The following TKT variants were observed in gnomAD, a reference collection of about 807,000 sequenced individuals.
TKT encodes epididymis luminal protein 107.
A neutral mutation model predicts 63.9 loss-of-function variants in TKT; 47 were observed. The ratio of observed to expected loss-of-function variants is 0.74; its 90% CI spans 0.58 to 0.94. TKT has a LOEUF of 0.94. Ranked by LOEUF, TKT falls within the 40% of genes least tolerant of loss-of-function variation. The pLI is 0.00. For synonymous variants in TKT, 338 were observed against 334.1 expected, an observed-to-expected ratio of 1.01 and a Z score of -0.13; for missense variants, 721 against 846.2, an observed-to-expected ratio of 0.85 and a Z score of 1.84.
Position 53,225,690 on chromosome 3 carries a change from A to C in TKT, c.*66T>G, listed in dbSNP as rs149572525. 4.7e-6 allele frequency: 7 copies of C among 1,489,850 alleles called. No homozygotes were observed. In the East Asian group the frequency reaches 9.3e-5, roughly 20 times the overall value. The allele number at this position is 1,489,850 out of a possible 1,614,324, so 92.3% of individuals were successfully genotyped here. On this transcript the variant is annotated 3_prime_UTR_variant, in exon 14 of 14. Transcript: ENST00000462138. ...ATATATTTACCCCTCCTCTCAGTAC[A>C]TCTTTGAGCACCTTTCCCAGAATCT... is the stretch of plus-strand genomic sequence containing the variant.
At chr3:53,249,550 A>C (rs1553681380) in intron 1 of TKT, among the ~76,000 whole-genome samples, 1 of 152,040 alleles carries the variant, frequency 6.6e-6, no homozygotes. Flanking sequence ...GCCCCACTGC[A>C]CTCCAGCCTG....
rs782277532 is a variant in TKT at position 53,228,044 on chromosome 3, C to G, written c.1573+12G>C. On this transcript the variant is annotated intron_variant, in intron 12 of 13. Coordinates refer to ENST00000462138, the MANE Select transcript of TKT (RefSeq NM_001064.4). ...CGCTCAGTTGATGACTTTGGAGGCC[C>G]CTTCTCCTCACCTTTCTTCAGCAGT... 3.1e-5 allele frequency: 50 copies of G among 1,611,688 alleles called. No individual in the cohort carries two copies. The highest frequency in any genetic ancestry group is 4.2e-5 in the Non-Finnish European group (49 of 1,179,602).
intron 8 of TKT, among the ~76,000 whole-genome samples, chr3:53,229,849 TG>T (rs1269767614): frequency 6.6e-6 from 1 of 152,148 alleles, no homozygotes; most frequent in Non-Finnish European, 1.5e-5. Flanking sequence ...GGAAGAACTC[TG>T]GAGATCTGAG....
chr3:53,252,375 AAC>A (rs1218217145), intron 1 of TKT, among the ~76,000 whole-genome samples: 4 of 152,228 alleles, frequency 2.6e-5, no homozygotes, highest in Non-Finnish European at 5.9e-5. Context: ...TTTGGGTGCA[AAC>A]ACACACATAC....
At chr3:53,241,286 C>T (rs781853292) in intron 2 of TKT, 41 bp from the exon 3 acceptor site, 8 of 1,555,212 alleles carry the variant, frequency 5.1e-6, no homozygotes, top group Middle Eastern at 1.7e-4. Context: ...AGGTGGGGAG[C>T]GGTTCTACTT....
chr3:53,242,360 T>TTG (rs1320243655), intron 1 of TKT, 118 bp from the exon 2 acceptor site: 10 of 955,948 alleles, frequency 1.0e-5, no homozygotes, highest in Non-Finnish European at 1.6e-5. Context: ...AGGCCTGGCT[T>TTG]ATCAGACAGC....
At chr3:53,237,191 C>T (rs1705069288) in intron 4 of TKT, among the ~76,000 whole-genome samples, 2 of 151,836 alleles carry the variant, frequency 1.3e-5, no homozygotes. Flanking sequence ...TGAGACTGAC[C>T]ATCCTGGCCA....
At chr3:53,241,590 C>T (rs1261966250) in intron 2 of TKT, among the ~76,000 whole-genome samples, 1 of 152,252 alleles carries the variant, frequency 6.6e-6, no homozygotes, top group Admixed American at 6.5e-5. Context: ...CTAAAGCCTG[C>T]CCGAGAGACC....
chr3:53,244,636 T>C (rs1345804551), intron 1 of TKT, among the ~76,000 whole-genome samples: 1 of 152,104 alleles, frequency 6.6e-6, no homozygotes, highest in Non-Finnish European at 1.5e-5. Context: ...AAGCTCAACT[T>C]CCTAGCGGGC....
At chr3:53,255,662 C>T (rs535837274) in intron 1 of TKT, among the ~76,000 whole-genome samples, 174 bp downstream of exon 1, 2 of 152,088 alleles carry the variant, frequency 1.3e-5, no homozygotes, top group African/African-American at 4.8e-5. Flanking sequence ...GCAGCGGAAG[C>T]CGCCTGCAGC....
intron 1 of TKT, among the ~76,000 whole-genome samples, chr3:53,248,410 C>A (rs570354126): frequency 1.3e-3 from 196 of 152,304 alleles, no homozygotes; most frequent in African/African-American, 4.6e-3. Context: ...GAGGCCAAGG[C>A]AGGAAGAGGA....
At chr3:53,237,643 T>C (rs1397462375) in intron 4 of TKT, among the ~76,000 whole-genome samples, 7 of 151,274 alleles carry the variant, frequency 4.6e-5, no homozygotes, top group Non-Finnish European at 8.9e-5. Flanking sequence ...AAAACATTGG[T>C]TGGGTGCAGT....
At position 53,234,693 on chromosome 3, in the gene TKT, C is replaced by G. The variant is rs782410845; in HGVS notation, c.629+290G>C. 1.5e-4 allele frequency: 44 copies of G among 293,938 alleles called. 1 individual carries two copies. The Admixed American group carries it at 2.0e-3, about 13-fold the overall frequency. The allele number at this position is 293,938 out of a possible 1,614,324, so 18.2% of individuals were successfully genotyped here. ...CCCCATCCCTCAAGAACCCTCCTTC[C>G]TCAAGAACAAAGCGAGCTGACGTGA... On this transcript the variant is annotated intron_variant, in intron 5 of 13. Coordinates refer to ENST00000462138, the MANE Select transcript of TKT (RefSeq NM_001064.4).
intron 1 of TKT, among the ~76,000 whole-genome samples, chr3:53,248,832 A>C (rs1364159073): frequency 1.3e-5 from 2 of 152,230 alleles, no homozygotes; most frequent in Non-Finnish European, 2.9e-5. Context: ...GAGTGACAGC[A>C]AATGTCCAGA....
chr3:53,235,985 C>T (rs533041672), intron 4 of TKT, among the ~76,000 whole-genome samples: 1 of 35,262 alleles, frequency 2.8e-5, no homozygotes, highest in East Asian at 1.8e-3. Flanking sequence ...GGGACGGCAG[C>T]AACAGACAGG....
chr3:53,253,038 A>C (rs543949656), intron 1 of TKT, among the ~76,000 whole-genome samples: 1 of 151,860 alleles, frequency 6.6e-6, no homozygotes, highest in African/African-American at 2.4e-5. Context: ...ACAGGGTTTC[A>C]CCATGTTGGC....
chr3:53,228,943 CCTCTT>C (rs1704619460), intron 10 of TKT, 59 bp downstream of exon 10: 2 of 1,600,578 alleles, frequency 1.2e-6, no homozygotes. Context: ...GCTCTGGCCT[CCTCTT>C]CTGTTTCCCT....
chr3:53,228,466 G>T, intron 10 of TKT, 107 bp from the exon 11 acceptor site: 1 of 1,254,004 alleles, frequency 8.0e-7, no homozygotes, highest in Non-Finnish European at 1.1e-6. Flanking sequence ...GTTAGTTACT[G>T]CATCCTGGCT....
rs1553676041 is a variant in TKT, at chr3:53,228,335, G to C, written c.1420C>G (p.Arg474Gly). The change falls in exon 11 of 14, where the codon CGC (arginine) becomes GGC (glycine). Residue 474 changes from arginine (R) to glycine (G), a missense_variant. Arg to Gly is a moderately radical substitution (Grantham distance 125). Transcript: ENST00000462138. ...TKGICFIRTS[R>G]PENAIIYNNN... ...TTATAGATGATGGCATTTTCTGGGC[G>C]GCTGGTCCGGATGAAGCAGATACCC... 1.2e-6 allele frequency: 2 copies of C among 1,614,000 alleles called. No homozygotes were observed. Among genetic ancestry groups the C allele is most frequent in the Non-Finnish European group, 1.7e-6 (2 of 1,180,028 alleles).
Sources: gnomAD v4.1 joint callset for allele counts (sites outside exome capture counted in the v4.1 genomes callset) on GRCh38, gnomAD v4.1.1 for gene constraint, MANE v1.5 for transcripts, NCBI Gene and HGNC (gene_info 2026-07-23, HGNC 2026-07-21) for gene names.